SCP2: variants seen among roughly 807,000 people sequenced by gnomAD.
SCP2 encodes sterol carrier protein 2, also known as SCP-2/3-oxoacyl-CoA thiolase.
A neutral mutation model predicts 71.4 loss-of-function variants in SCP2; 48 were observed. The ratio of observed to expected loss-of-function variants is 0.67; its 90% confidence interval spans 0.53 to 0.86. SCP2 has a LOEUF of 0.86. Among genes scored for constraint, SCP2 ranks in the 40% least tolerant of loss-of-function variants. The pLI is 0.00. For missense variants in SCP2, 560 were observed against 655.6 expected (o/e 0.85, Z 1.59); for synonymous variants, 220 against 218.1 (o/e 1.01, Z -0.08).
chr1:52,930,192 T>C (rs576425838), intron 1 of SCP2, among the ~76,000 whole-genome samples: 1 of 152,306 alleles, frequency 6.6e-6, no homozygotes, highest in Non-Finnish European at 1.5e-5. Context: ...GTATGGTAAT[T>C]TCATGAAATA....
chr1:52,947,222 CAGAG>C (rs1654884298), intron 2 of SCP2, among the ~76,000 whole-genome samples: 1 of 108,360 alleles, frequency 9.2e-6, no homozygotes, highest in Non-Finnish European at 1.7e-5. Flanking sequence ...ACTCCAGTGA[CAGAG>C]AGAGATGTTG....
intron 8 of SCP2, 63 bp downstream of exon 8, chr1:52,976,832 C>T (rs1658014443): frequency 6.9e-6 from 6 of 870,614 alleles, no homozygotes; most frequent in Non-Finnish European, 9.9e-6. Context: ...TGCCACCCCC[C>T]TGTGGTTAAA....
intron 11 of SCP2, among the ~76,000 whole-genome samples, chr1:53,011,249 C>G (rs972742972): frequency 4.6e-5 from 7 of 152,086 alleles, no homozygotes; most frequent in African/African-American, 1.7e-4. Context: ...CTTTATTGTA[C>G]TTGGCTGTCT....
chr1:52,979,115 A>C (rs1658240529), intron 9 of SCP2, among the ~76,000 whole-genome samples: 1 of 152,142 alleles, frequency 6.6e-6, no homozygotes. Flanking sequence ...CAGAGGTGGA[A>C]TTTATATTTA....
chr1:53,046,633 T>C (rs946529422), intron 14 of SCP2, among the ~76,000 whole-genome samples: 5 of 152,192 alleles, frequency 3.3e-5, no homozygotes, highest in African/African-American at 4.8e-5. Flanking sequence ...GTCAGAGATA[T>C]ATGAGTTGCA....
At chr1:52,952,580 G>T (rs11206049) in intron 4 of SCP2, among the ~76,000 whole-genome samples, 5,272 of 152,084 alleles carry the variant, frequency 0.035, 267 homozygotes, top group African/African-American at 0.11. Context: ...TCAGTTGAGG[G>T]ATTGTTTCTA....
intron 11 of SCP2, among the ~76,000 whole-genome samples, chr1:52,999,757 T>C (rs1660177991): frequency 6.6e-6 from 1 of 152,010 alleles, no homozygotes; most frequent in Admixed American, 6.6e-5. Flanking sequence ...TAATGTCATA[T>C]TTTATTCCAG....
chr1:52,958,847 G>A (rs921496728), intron 5 of SCP2, among the ~76,000 whole-genome samples: 3 of 151,714 alleles, frequency 2.0e-5, no homozygotes, highest in Non-Finnish European at 2.9e-5. Flanking sequence ...GAGCCACTGC[G>A]CCGGGCCTGA....
intron 2 of SCP2, among the ~76,000 whole-genome samples, chr1:52,946,976 A>C (rs929815374): frequency 6.7e-6 from 1 of 149,184 alleles, no homozygotes; most frequent in Non-Finnish European, 1.5e-5. Flanking sequence ...CAGGAGAATC[A>C]CTTGAACCTG....
chr1:52,961,185 G>A (rs1656410005), intron 5 of SCP2, among the ~76,000 whole-genome samples: 1 of 143,966 alleles, frequency 6.9e-6, no homozygotes, highest in Admixed American at 7.3e-5. Flanking sequence ...CCATTAACTT[G>A]TCATTTACAT....
intron 11 of SCP2, among the ~76,000 whole-genome samples, chr1:53,010,238 G>A (rs1660895803): frequency 6.6e-6 from 1 of 152,204 alleles, no homozygotes; most frequent in South Asian, 2.1e-4. Flanking sequence ...CAGGGATCTA[G>A]AACTAGAAAT....
At chr1:52,968,124 T>G (rs753131681) in intron 6 of SCP2, among the ~76,000 whole-genome samples, 4 of 152,182 alleles carry the variant, frequency 2.6e-5, no homozygotes, top group Non-Finnish European at 5.9e-5. Flanking sequence ...GTATTTTTAG[T>G]AGAGATGGCG....
chr1:52,998,422 T>A (rs182658705), intron 11 of SCP2, among the ~76,000 whole-genome samples: 3 of 151,912 alleles, frequency 2.0e-5, no homozygotes, highest in Admixed American at 6.6e-5. Context: ...AAAGCAAGAC[T>A]TTGTCTCTAC....
chr1:53,013,446 A>AT (rs1553152552), intron 11 of SCP2, among the ~76,000 whole-genome samples: 1,836 of 109,856 alleles, frequency 0.017, 264 homozygotes, highest in Middle Eastern at 0.057. Flanking sequence ...AAAAAAAAAA[A>AT]TAGCTGGGAG....
intron 12 of SCP2, among the ~76,000 whole-genome samples, chr1:53,027,622 A>G (rs1662226233): frequency 6.6e-6 from 1 of 152,126 alleles, no homozygotes; most frequent in African/African-American, 2.4e-5. Flanking sequence ...CTCCTACCTC[A>G]GCCTCCTGAG....
chr1:52,951,213 C>CA (rs1655267655), intron 4 of SCP2, among the ~76,000 whole-genome samples: 1 of 151,804 alleles, frequency 6.6e-6, no homozygotes, highest in Non-Finnish European at 1.5e-5. Context: ...GCCTGGGAGA[C>CA]AGAGATTGCA....
intron 5 of SCP2, among the ~76,000 whole-genome samples, chr1:52,956,145 A>G (rs1217139542): frequency 6.6e-6 from 1 of 152,156 alleles, no homozygotes; most frequent in Non-Finnish European, 1.5e-5. Flanking sequence ...TCTACTAAAA[A>G]TACAAAAAAT....
At chr1:52,932,883 T>C (rs1480167941) in intron 1 of SCP2, among the ~76,000 whole-genome samples, 12 of 152,180 alleles carry the variant, frequency 7.9e-5, no homozygotes. Flanking sequence ...AGATTCTTGG[T>C]GGAGGAGAAA....
intron 13 of SCP2, among the ~76,000 whole-genome samples, chr1:53,037,423 T>G (rs1260523745): frequency 6.6e-6 from 1 of 152,056 alleles, no homozygotes; most frequent in African/African-American, 2.4e-5. Flanking sequence ...CGTATTGACA[T>G]TACTTACTTT....
Sources: allele counts gnomAD v4.1 joint callset (sites outside exome capture counted in the v4.1 genomes callset), GRCh38; gene constraint gnomAD v4.1.1; transcripts MANE v1.5; gene names NCBI Gene and HGNC (gene_info 2026-07-23, HGNC 2026-07-21).